FKBP4: variants seen among roughly 807,000 people sequenced by gnomAD.
FKBP4 encodes the protein peptidyl-prolyl cis-trans isomerase FKBP4.
In FKBP4, 28 loss-of-function variants were observed where a neutral mutation model predicts 54.1. That is an observed-to-expected ratio of 0.52 (90% CI 0.38 to 0.71). The LOEUF (loss-of-function observed/expected upper bound fraction) is 0.71. Ranked by LOEUF, FKBP4 falls within the 30% of genes least tolerant of loss-of-function variation. FKBP4 has a pLI of 0.00. For synonymous variants in FKBP4, 223 were observed against 216.1 expected (o/e 1.03, Z -0.28); for missense variants, 493 against 574.4 (o/e 0.86, Z 1.45).
intron 9 of FKBP4, among the ~76,000 whole-genome samples, chr12:2,802,455 C>T (rs889950387): frequency 6.6e-6 from 1 of 152,116 alleles, no homozygotes; most frequent in Non-Finnish European, 1.5e-5. Flanking sequence ...GTGTTCTAAA[C>T]CAGCACTGTC....
At chr12:2,800,195 T>G in intron 7 of FKBP4, 73 bp downstream of exon 7, 1 of 1,530,878 alleles carries the variant, frequency 6.5e-7, no homozygotes, top group African/African-American at 1.4e-5. Flanking sequence ...CCTTGGTGAC[T>G]GAGATCATTT....
At position 2,803,155 on chromosome 12, in the gene FKBP4, A is replaced by C; in HGVS notation, c.1277A>C (p.Lys426Thr). The C allele has an allele frequency of 6.2e-7, 1 of 1,601,674 alleles. No homozygotes were observed. Among genetic ancestry groups the C allele is most frequent in the African/African-American group, 1.3e-5 (1 of 74,698 alleles). Residue 426 changes from lysine (K) to threonine (T), a missense_variant, in exon 10 of 10, where the codon AAG becomes ACG. Coordinates refer to ENST00000001008, the MANE Select transcript of FKBP4 (RefSeq NM_002014.4). ...TGCTGTTCATCTTCCTTGCAGGCCA[A>C]GGCAGAGGCTTCCTCAGGAGACCAT... is the stretch of plus-strand genomic sequence containing the variant. ...ERLAEEENKAKAEASSGDHPT... is the reference protein window; with the variant it reads ...ERLAEEENKATAEASSGDHPT...
Position 2,805,147 on chromosome 12 carries a change from C to T in FKBP4, c.*1889C>T. On this transcript the variant is annotated 3_prime_UTR_variant, in exon 10 of 10. Transcript: ENST00000001008. ...CAACCATCCTACAAAGAAGGTATAA[C>T]TTTAATAACCCTATTTACAGATAAG... 6.6e-6 allele frequency: 3 copies of T among 455,938 alleles called. No individual in the cohort carries two copies. Among genetic ancestry groups the T allele is most frequent in the South Asian group, 3.1e-5 (2 of 64,536 alleles). The allele number at this position is 455,938 out of a possible 1,614,324, so 28.2% of individuals were successfully genotyped here.
Position 2,800,251 on chromosome 12 carries a change from A to G in FKBP4, c.846+129A>G. On this transcript the variant is annotated intron_variant, in intron 7 of 9. Coordinates refer to ENST00000001008, the MANE Select transcript of FKBP4 (RefSeq NM_002014.4). ...TTGGCACCTGCCATCTTCACTTCAT[A>G]TATGTGAGCTTGCTGGCCTTGCCAG... 3.0e-6 allele frequency: 4 copies of G among 1,352,866 alleles called. No individual in the cohort carries two copies. In the South Asian group the frequency reaches 4.0e-5, roughly 13 times the overall value. 83.8% of individuals were successfully genotyped at this position (1,352,866 alleles called of 1,614,324 possible). A position where few individuals can be genotyped will look rare whatever the true frequency, so the allele number is the denominator to read the frequency against.
In FKBP4 at chr12:2,795,948, C is replaced by A; in HGVS notation, c.105+704C>A. 1 of 1,025,626 alleles carries A rather than the reference C, an allele frequency of 9.8e-7. No homozygotes were observed. The highest frequency in any genetic ancestry group is 1.2e-6 in the Non-Finnish European group (1 of 852,764). The allele number at this position is 1,025,626 out of a possible 1,614,324, so 63.5% of individuals were successfully genotyped here. ...TAGTCCCCTCCCCCCTCCGCCGCCTCCCGGAGCCAGGGCTGCGGGGTGTGG... is the reference window on the plus strand; with the variant it reads ...TAGTCCCCTCCCCCCTCCGCCGCCTACCGGAGCCAGGGCTGCGGGGTGTGG... On this transcript the variant is annotated intron_variant, in intron 1 of 9. Coordinates refer to ENST00000001008, the MANE Select transcript of FKBP4 (RefSeq NM_002014.4). This position sits in a 1 kb window ranked among gnomAD's most constrained non-coding sequence, Gnocchi z 4.3.
rs762007075 is a variant in FKBP4 at position 2,801,403 on chromosome 12, A to G, written c.1272+47A>G. ...AGTTGGAATAGCATCCCTCCACTTA[A>G]CCTGGCTACTGTGGGCTCTTTGTGC... On this transcript the variant is annotated intron_variant, in intron 9 of 9. Transcript: ENST00000001008. The G allele has an allele frequency of 4.4e-6, 7 of 1,607,758 alleles. No homozygotes were observed. The South Asian group carries it at 7.7e-5, about 18-fold the overall frequency.
Position 2,801,190 on chromosome 12 carries a change from T to C in FKBP4, c.1106T>C (p.Phe369Ser), listed in dbSNP as rs377158214. Residue 369 changes from phenylalanine (F) to serine (S), a missense_variant, in exon 9 of 10, where the codon TTT (phenylalanine) becomes TCT (serine). Physicochemically the swap from Phe to Ser is radical, Grantham distance 155. Coordinates refer to ENST00000001008, the MANE Select transcript of FKBP4 (RefSeq NM_002014.4). ...GAGGCCCACCTGGCCGTGAATGACT[T>C]TGAACTGGCACGGGCTGATTTCCAG... ...RGEAHLAVND[F>S]ELARADFQKV... 10 of 1,613,438 alleles carry C rather than the reference T, an allele frequency of 6.2e-6. No individual in the cohort carries two copies. In the African/African-American group the frequency reaches 1.3e-4, roughly 22 times the overall value.
Position 2,799,177 on chromosome 12 carries a change from T to C in FKBP4, c.604T>C (p.Tyr202His). The C allele has an allele frequency of 6.3e-7, 1 of 1,595,560 alleles. No individual in the cohort carries two copies. Among genetic ancestry groups the C allele is most frequent in the South Asian group, 1.1e-5 (1 of 87,944 alleles). The change falls in exon 5 of 10, where the codon TAT (tyrosine) becomes CAT (histidine). Residue 202 changes from tyrosine (Y) to histidine (H), a missense_variant. Tyr to His is a moderately conservative substitution (Grantham distance 83). Transcript: ENST00000001008. The part of the protein sequence containing the change: ...IGEGENLDLP[Y>H]GLERAIQRME... ...CGAGGGGGAGAACCTGGATCTGCCT[T>C]ATGGTCTGGAGAGGGCCATTCAGCG...
chr12:2,802,190 T>G (rs972680244), intron 9 of FKBP4, among the ~76,000 whole-genome samples: 5 of 152,274 alleles, frequency 3.3e-5, no homozygotes, highest in East Asian at 3.9e-4. Flanking sequence ...CAGGCTGGAG[T>G]GCAATGGCAT....
Position 2,799,200 on chromosome 12 carries a change from G to C in FKBP4, c.627G>C (p.Gln209His). 6.4e-7 allele frequency: 1 copy of C among 1,574,540 alleles called. No homozygotes were observed. Among genetic ancestry groups the C allele is most frequent in the Non-Finnish European group, 8.6e-7 (1 of 1,162,508 alleles). ...CTTATGGTCTGGAGAGGGCCATTCA[G>C]CGCATGGAGAAAGGAGAACATTCCA... ...DLPYGLERAI[Q>H]RMEKGEHSIV... Residue 209 changes from glutamine (Q) to histidine (H), a missense_variant, in exon 5 of 10, where the codon CAG (glutamine) becomes CAC (histidine). Physicochemically the swap from Gln to His is conservative, Grantham distance 24. Transcript: ENST00000001008.
rs887603681 is a variant in FKBP4, at chr12:2,798,127, G to T, written c.393+256G>T. Among the ~76,000 whole-genome samples, 8 of 152,234 alleles carry T rather than the reference G, an allele frequency of 5.3e-5. No homozygotes were observed. Among genetic ancestry groups the T allele is most frequent in the Non-Finnish European group, 7.3e-5 (5 of 68,044 alleles). ...CAGGGTTAAGGCATCTTTATCTCCA[G>T]AGCGGTACCCAGAAGAATACTGAAA... On this transcript the variant is annotated intron_variant, in intron 3 of 9. Coordinates refer to ENST00000001008, the MANE Select transcript of FKBP4 (RefSeq NM_002014.4). This position sits in a 1 kb window ranked among gnomAD's most constrained non-coding sequence, Gnocchi z 4.3.
chr12:2,799,286 C>A (rs916464391), intron 5 of FKBP4, 42 bp downstream of exon 5: 1 of 1,462,044 alleles, frequency 6.8e-7, no homozygotes, highest in Non-Finnish European at 9.0e-7. Flanking sequence ...GCAGGCAAAC[C>A]AAGATCAAAG....
At position 2,803,220 on chromosome 12, in the gene FKBP4, A is replaced by T; in HGVS notation, c.1342A>T (p.Thr448Ser). Residue 448 changes from threonine to serine, a missense_variant, in exon 10 of 10, where the codon ACG becomes TCG. By Grantham distance (58) the Thr-to-Ser change is moderately conservative. Coordinates refer to ENST00000001008, the MANE Select transcript of FKBP4 (RefSeq NM_002014.4). Reference sequence around the variant, plus strand: ...GATGAAGGAGGAGCAGAAGAGCAACACGGCAGGGAGCCAGTCTCAGGTGGA... The same window carrying T: ...GATGAAGGAGGAGCAGAAGAGCAACTCGGCAGGGAGCCAGTCTCAGGTGGA... Reference protein sequence around the residue: ...TEMKEEQKSNTAGSQSQVETE... With the variant: ...TEMKEEQKSNSAGSQSQVETE... 3.1e-6 allele frequency: 5 copies of T among 1,601,338 alleles called. No homozygotes were observed. Among genetic ancestry groups the T allele is most frequent in the Non-Finnish European group, 4.3e-6 (5 of 1,174,618 alleles).
At position 2,800,299 on chromosome 12, in the gene FKBP4, C is replaced by T. The variant is rs140109100; in HGVS notation, c.847-93C>T. On this transcript the variant is annotated intron_variant, in intron 7 of 9. Coordinates refer to ENST00000001008, the MANE Select transcript of FKBP4 (RefSeq NM_002014.4). ...CAGTGGGAAGGGTGGGAGCAGGAAC[C>T]TCTTGTGGCCATGTGTCACTGATGT... 95 of 1,442,688 alleles carry T rather than the reference C, an allele frequency of 6.6e-5. No individual in the cohort carries two copies. The African/African-American group carries it at 1.1e-3, about 16-fold the overall frequency. The allele number at this position is 1,442,688 out of a possible 1,614,324, so 89.4% of individuals were successfully genotyped here. A position where few individuals can be genotyped will look rare whatever the true frequency, so the allele number is the denominator to read the frequency against.
chr12:2,802,654 C>T (rs1378070276), intron 9 of FKBP4, among the ~76,000 whole-genome samples: 2 of 152,218 alleles, frequency 1.3e-5, no homozygotes, highest in Non-Finnish European at 2.9e-5. Flanking sequence ...GGCTACCATA[C>T]GGGACAGTGC....
chr12:2,795,029 A>G lies in FKBP4; in HGVS notation c.-111A>G, dbSNP rs1459650067. The G allele has an allele frequency of 1.7e-5, 9 of 515,496 alleles. No homozygotes were observed. The East Asian group carries it at 2.1e-4, about 12-fold the overall frequency. The allele number at this position is 515,496 out of a possible 1,614,324, so 31.9% of individuals were successfully genotyped here. A position where few individuals can be genotyped will look rare whatever the true frequency, so the allele number is the denominator to read the frequency against. ...TCAAGCCTCCTCGCGGTCCGCAGTC[A>G]GTGCCGCCGCGCCCGGCCTCCCGCA... On this transcript the variant is annotated 5_prime_UTR_variant, in exon 1 of 10. Coordinates refer to ENST00000001008, the MANE Select transcript of FKBP4 (RefSeq NM_002014.4). The surrounding 1 kb of genome is among the most constrained non-coding windows in gnomAD (Gnocchi z 4.3).
chr12:2,799,702 G>C, intron 5 of FKBP4, 148 bp from the exon 6 acceptor site: 2 of 683,874 alleles, frequency 2.9e-6, no homozygotes, highest in Non-Finnish European at 5.2e-6. Context: ...ATCTGACAGT[G>C]TGAAGAGGCC....
chr12:2,799,059 T>C, intron 4 of FKBP4, 29 bp from the exon 5 acceptor site: 1 of 1,522,798 alleles, frequency 6.6e-7, no homozygotes, highest in Admixed American at 2.2e-5. Flanking sequence ...CTCTTACAAC[T>C]CTGGTACACT....
At chr12:2,799,011 G>A in intron 4 of FKBP4, 77 bp from the exon 5 acceptor site, 1 of 1,466,076 alleles carries the variant, frequency 6.8e-7, no homozygotes, top group East Asian at 2.3e-5. Context: ...TGGGGGTGAT[G>A]CAGGGAGGCT....
Sources: allele counts gnomAD v4.1 joint callset (sites outside exome capture counted in the v4.1 genomes callset), GRCh38; gene constraint gnomAD v4.1.1; non-coding constraint Gnocchi (gnomAD v3.1); transcripts MANE v1.5; gene names NCBI Gene and HGNC (gene_info 2026-07-23, HGNC 2026-07-21).